Variants in SMAD4 observed in about 807,000 individuals in gnomAD.
The protein encoded by SMAD4 is MAD homolog 4.
SMAD4 carries 7 observed loss-of-function variants against 63.2 expected under a neutral mutation model. That is an observed-to-expected ratio of 0.11 (90% CI 0.06 to 0.21). The LOEUF (loss-of-function observed/expected upper bound fraction) is 0.21, where lower values mean the gene tolerates loss of function less well. SMAD4 is among the 10% of genes least tolerant of loss of function. The pLI, the probability that SMAD4 is intolerant of heterozygous loss-of-function variation, is 1.00. For synonymous variants in SMAD4, 215 were observed against 235.4 expected (o/e 0.91, Z 0.79); for missense variants, 312 against 693.8 (o/e 0.45, Z 6.18).
In SMAD4 at chr18:51,044,747, C is replaced by G. The variant is rs116602967; in HGVS notation, c.-127-2173C>G. Among the ~76,000 whole-genome samples, 1,104 of 152,298 alleles carry G rather than the reference C, an allele frequency of 7.2e-3. 11 individuals carry two copies. The highest frequency in any genetic ancestry group is 0.025 in the African/African-American group (1,040 of 41,568). On this transcript the variant is annotated intron_variant, in intron 1 of 11. Coordinates refer to ENST00000342988, the MANE Select transcript of SMAD4 (RefSeq NM_005359.6). The stretch of plus-strand genomic sequence containing the variant: ...AGCTTTTTTACTGAACACTATGTAT[C>G]AGACACGTTATGCAGAATTTTTCCT...
rs147621330 is a variant in SMAD4 at position 51,067,098 on chromosome 18, G to A, written c.1219G>A (p.Val407Ile). ...VWVRCLSDHA[V>I]FVQSYYLDRE... Reference sequence around the variant, plus strand: ...GGTCAGGTGCCTTAGTGACCACGCGGTCTTTGTACAGAGTTACTACTTAGA... The same window carrying A: ...GGTCAGGTGCCTTAGTGACCACGCGATCTTTGTACAGAGTTACTACTTAGA... The change falls in exon 10 of 12, where the codon GTC becomes ATC. Residue 407 changes from valine (V) to isoleucine (I), a missense_variant. By Grantham distance (29) the Val-to-Ile change is conservative (BLOSUM62 3). Transcript: ENST00000342988. 6.2e-7 allele frequency: 1 copy of A among 1,612,162 alleles called. No homozygotes were observed. The highest frequency in any genetic ancestry group is 8.5e-7 in the Non-Finnish European group (1 of 1,178,192).
At chr18:51,064,020 T>A (rs1456914742) in intron 8 of SMAD4, among the ~76,000 whole-genome samples, 1 of 152,156 alleles carries the variant, frequency 6.6e-6, no homozygotes, top group Non-Finnish European at 1.5e-5. Flanking sequence ...TTTAAAAAAA[T>A]TTTAAGCATC....
chr18:51,046,967 T>C lies in SMAD4; in HGVS notation c.-80T>C, dbSNP rs778679766. 7.5e-7 allele frequency: 1 copy of C among 1,337,200 alleles called. No homozygotes were observed. The highest frequency in any genetic ancestry group is 1.4e-5 in the African/African-American group (1 of 69,256). The allele number at this position is 1,337,200 out of a possible 1,614,324, so 82.8% of individuals were successfully genotyped here. On this transcript the variant is annotated 5_prime_UTR_variant, in exon 2 of 12. Transcript: ENST00000342988. Reference sequence around the variant, plus strand: ...CAATTTTCCTTGCAACGTTAGCTGTTGTTTTTCACTGTTTCCAAAGGATCA... The same window carrying C: ...CAATTTTCCTTGCAACGTTAGCTGTCGTTTTTCACTGTTTCCAAAGGATCA...
intron 1 of SMAD4, among the ~76,000 whole-genome samples, chr18:51,043,935 T>C (rs1441818930): frequency 2.0e-5 from 3 of 152,320 alleles, no homozygotes; most frequent in Middle Eastern, 3.4e-3. Flanking sequence ...ACTTGCCTGG[T>C]ATATGTCAGG....
intron 5 of SMAD4, among the ~76,000 whole-genome samples, chr18:51,056,563 T>C (rs1291885431): frequency 7.6e-6 from 1 of 132,010 alleles, no homozygotes; most frequent in Admixed American, 9.8e-5. Context: ...GAGCTTGCAG[T>C]GAGCAGAGAG....
Position 51,078,501 on chromosome 18 carries a change from G to A in SMAD4, c.*34G>A, listed in dbSNP as rs771022919. 5.0e-6 allele frequency: 7 copies of A among 1,403,382 alleles called. No homozygotes were observed. Among genetic ancestry groups the A allele is most frequent in the Non-Finnish European group, 7.1e-6 (7 of 992,406 alleles). 86.9% of individuals were successfully genotyped at this position (1,403,382 alleles called of 1,614,324 possible). A position where few individuals can be genotyped will look rare whatever the true frequency, so the allele number is the denominator to read the frequency against. Reference sequence around the variant, plus strand: ...ACCGTTGGGGCCCTTAACCTTATCAGGATGGTGGACTACAAAATACAATCC... The same window carrying A: ...ACCGTTGGGGCCCTTAACCTTATCAAGATGGTGGACTACAAAATACAATCC... On this transcript the variant is annotated 3_prime_UTR_variant, in exon 12 of 12. Transcript: ENST00000342988.
rs757997451 is a variant in SMAD4 at position 51,047,306 on chromosome 18, T to C, written c.249+11T>C. 4.3e-6 allele frequency: 7 copies of C among 1,610,206 alleles called. No individual in the cohort carries two copies. The highest frequency in any genetic ancestry group is 2.2e-5 in the East Asian group (1 of 44,854). On this transcript the variant is annotated intron_variant, in intron 2 of 11. Transcript: ENST00000342988. The stretch of plus-strand genomic sequence containing the variant: ...GATGGGAGGCTTCAGGTTAGTCTTA[T>C]AAGAGTTTTTCTATACCCTCTATGG...
At chr18:51,070,738 A>G (rs1426785083) in intron 10 of SMAD4, among the ~76,000 whole-genome samples, 3 of 152,164 alleles carry the variant, frequency 2.0e-5, no homozygotes, top group Admixed American at 1.3e-4. Context: ...TTTTGCCAGC[A>G]TATCCATGCT....
chr18:51,071,559 G>A (rs1292363784), intron 10 of SMAD4, among the ~76,000 whole-genome samples: 3 of 152,118 alleles, frequency 2.0e-5, no homozygotes, highest in Non-Finnish European at 4.4e-5. Context: ...AGTAAAATAT[G>A]TTTTGTTTTG....
intron 8 of SMAD4, among the ~76,000 whole-genome samples, chr18:51,061,403 A>G (rs144328584): frequency 2.5e-4 from 38 of 152,124 alleles, no homozygotes; most frequent in African/African-American, 8.9e-4. Flanking sequence ...CTCTGTCTCT[A>G]TGGGTTCAAT....
At chr18:51,055,520 T>C (rs1909820244) in intron 5 of SMAD4, among the ~76,000 whole-genome samples, 1 of 139,534 alleles carries the variant, frequency 7.2e-6, no homozygotes, top group Non-Finnish European at 1.6e-5. Context: ...TTTTAAAATA[T>C]ATGTGTAATT....
At chr18:51,070,021 A>G (rs1443975300) in intron 10 of SMAD4, among the ~76,000 whole-genome samples, 4 of 152,148 alleles carry the variant, frequency 2.6e-5, no homozygotes, top group Non-Finnish European at 5.9e-5. Context: ...TATTTTAAAT[A>G]GTTTTTCTGT....
Position 51,078,795 on chromosome 18 carries a change from G to A in SMAD4, c.*328G>A. On this transcript the variant is annotated 3_prime_UTR_variant, in exon 12 of 12. Transcript: ENST00000342988. ...AACGTCTTAGAGCCTTTTATCTGCA[G>A]AACATCGATATGTATATCATTCTAC... The A allele has an allele frequency of 3.0e-6, 1 of 334,480 alleles. No homozygotes were observed. The highest frequency in any genetic ancestry group is 4.4e-5 in the East Asian group (1 of 22,702). 20.7% of individuals were successfully genotyped at this position (334,480 alleles called of 1,614,324 possible). A position where few individuals can be genotyped will look rare whatever the true frequency, so the allele number is the denominator to read the frequency against.
rs995882582 is a variant in SMAD4 at position 51,083,438 on chromosome 18, A to T, written c.*4971A>T. The stretch of plus-strand genomic sequence containing the variant: ...ACATCAGACTGGAATGAATGAATGA[A>T]ACTTTTTGTCCTTTTTTTTTCTGTT... On this transcript the variant is annotated 3_prime_UTR_variant, in exon 12 of 12. Transcript: ENST00000342988. 1 of 229,716 alleles carries T rather than the reference A, an allele frequency of 4.4e-6. No homozygotes were observed. Among genetic ancestry groups the T allele is most frequent in the Non-Finnish European group, 8.6e-6 (1 of 116,082 alleles). The allele number at this position is 229,716 out of a possible 1,614,324, so 14.2% of individuals were successfully genotyped here.
At chr18:51,040,328 G>A (rs1024228099) in intron 1 of SMAD4, among the ~76,000 whole-genome samples, 1 of 151,848 alleles carries the variant, frequency 6.6e-6, no homozygotes, top group Admixed American at 6.6e-5. Flanking sequence ...GGAGGCTGAG[G>A]CAGGAGAATC....
At chr18:51,046,245 A>G (rs1009379320) in intron 1 of SMAD4, among the ~76,000 whole-genome samples, 1 of 152,134 alleles carries the variant, frequency 6.6e-6, no homozygotes, top group Non-Finnish European at 1.5e-5. Context: ...GTGAGGGTCC[A>G]ATTTCTCGGC....
chr18:51,061,961 T>A (rs1360033324), intron 8 of SMAD4, among the ~76,000 whole-genome samples: 2 of 152,212 alleles, frequency 1.3e-5, no homozygotes, highest in African/African-American at 4.8e-5. Flanking sequence ...TATTTTAGTT[T>A]AAGAAATTTG....
At chr18:51,060,687 G>A (rs1168645600) in intron 8 of SMAD4, among the ~76,000 whole-genome samples, 1 of 152,114 alleles carries the variant, frequency 6.6e-6, no homozygotes, top group African/African-American at 2.4e-5. Flanking sequence ...AAACTGGAGT[G>A]CAGTGGCATG....
intron 8 of SMAD4, 102 bp downstream of exon 8, chr18:51,060,018 A>G (rs1362290011): frequency 2.4e-6 from 2 of 836,806 alleles, no homozygotes; most frequent in Non-Finnish European, 4.1e-6. Flanking sequence ...CACTTCTCAG[A>G]TGAGTACAAT....
Sources: allele counts gnomAD v4.1 joint callset (sites outside exome capture counted in the v4.1 genomes callset), GRCh38; gene constraint gnomAD v4.1.1; transcripts MANE v1.5; gene names NCBI Gene and HGNC (gene_info 2026-07-23, HGNC 2026-07-21).